WDFY4: variants seen among roughly 807,000 people sequenced by gnomAD.
WDFY4 encodes WD repeat- and FYVE domain-containing protein 4.
WDFY4 carries 169 observed loss-of-function variants against 351.9 expected under a neutral mutation model. The observed-to-expected ratio is 0.48, with a 90% CI of 0.42 to 0.55. The LOEUF (loss-of-function observed/expected upper bound fraction) is 0.55, where lower values mean the gene tolerates loss of function less well. Among genes scored for constraint, WDFY4 ranks in the 20% least tolerant of loss-of-function variants. The pLI, the probability that WDFY4 is intolerant of heterozygous loss-of-function variation, is 0.00. For synonymous variants in WDFY4, 1,622 were observed against 1,574.6 expected (o/e 1.03, Z -0.71); for missense variants, 3,803 against 3,935.6 (o/e 0.97, Z 0.90).
intron 47 of WDFY4, chr10:48,910,943 C>A (rs1837941768): frequency 3.1e-6 from 3 of 982,128 alleles, no homozygotes; most frequent in African/African-American, 1.8e-5. Flanking sequence ...CTTTTGAATA[C>A]CTAAGGAGGG....
rs1283339968 is a variant in WDFY4 at position 48,807,812 on chromosome 10, T to C, written c.4739-47T>C. 4 of 1,533,822 alleles carry C rather than the reference T, an allele frequency of 2.6e-6. No homozygotes were observed. The South Asian group carries it at 4.8e-5, about 18-fold the overall frequency. On this transcript the variant is annotated intron_variant, in intron 27 of 61. Coordinates refer to ENST00000325239, the MANE Select transcript of WDFY4 (RefSeq NM_001394531.1). ...TGATTGCTTACTGCAGCAAATATTA[T>C]GTCTCTTTACATCCATTTTCTCTCA...
At chr10:48,909,988 AT>A in intron 47 of WDFY4, 2 of 526,152 alleles carry the variant, frequency 3.8e-6, no homozygotes, top group Non-Finnish European at 6.8e-6. Context: ...ATTTTCTTAA[AT>A]TTTTTTCTAT....
intron 39 of WDFY4, among the ~76,000 whole-genome samples, chr10:48,838,551 A>T (rs1330332468): frequency 6.6e-6 from 1 of 151,898 alleles, no homozygotes; most frequent in Non-Finnish European, 1.5e-5. Flanking sequence ...TGAGCACTTC[A>T]CCCATTATCT....
intron 47 of WDFY4, among the ~76,000 whole-genome samples, chr10:48,935,753 T>C (rs1462052133): frequency 6.6e-6 from 1 of 152,256 alleles, no homozygotes; most frequent in Non-Finnish European, 1.5e-5. Context: ...TCTTACTTGA[T>C]TGTATGTCAT....
intron 13 of WDFY4, among the ~76,000 whole-genome samples, chr10:48,771,523 A>C (rs2092191997): frequency 1.3e-5 from 2 of 152,240 alleles, no homozygotes; most frequent in African/African-American, 4.8e-5. Flanking sequence ...GGCCTGCTGC[A>C]GCCTAAATAC....
At chr10:48,694,560 G>T (rs1449193020) in intron 1 of WDFY4, among the ~76,000 whole-genome samples, 3 of 152,030 alleles carry the variant, frequency 2.0e-5, no homozygotes, top group African/African-American at 4.8e-5. Context: ...CCAGTGACAG[G>T]CAGCTGCCAG....
At chr10:48,970,066 ACT>A (rs1232374002) in intron 56 of WDFY4, 63 bp from the exon 57 acceptor site, 50 of 1,515,966 alleles carry the variant, frequency 3.3e-5, no homozygotes, top group Non-Finnish European at 4.2e-5. Context: ...TACCCCCGTG[ACT>A]CTATCCTGGG....
At chr10:48,852,587 C>T (rs2068993431) in intron 39 of WDFY4, among the ~76,000 whole-genome samples, 1 of 152,186 alleles carries the variant, frequency 6.6e-6, no homozygotes, top group African/African-American at 2.4e-5. Flanking sequence ...AGATGCTGCT[C>T]AGCTCTCAGG....
intron 12 of WDFY4, among the ~76,000 whole-genome samples, chr10:48,747,368 AT>A (rs1249332908): frequency 6.6e-6 from 1 of 152,102 alleles, no homozygotes; most frequent in Non-Finnish European, 1.5e-5. Flanking sequence ...CTTCATATTC[AT>A]TGGGATTCCT....
chr10:48,832,478 C>T, intron 38 of WDFY4, 95 bp from the exon 39 acceptor site: 3 of 1,370,364 alleles, frequency 2.2e-6, no homozygotes, highest in Non-Finnish European at 2.9e-6. Flanking sequence ...ACAGGGGGCT[C>T]ATGCCCCTGG....
intron 25 of WDFY4, among the ~76,000 whole-genome samples, chr10:48,803,598 G>A (rs1418781790): frequency 2.6e-5 from 4 of 152,156 alleles, no homozygotes. Context: ...GCACATACTG[G>A]GGGCTCAGCA....
chr10:48,910,032 A>C, intron 47 of WDFY4: 1 of 560,228 alleles, frequency 1.8e-6, no homozygotes, highest in Admixed American at 3.0e-5. Flanking sequence ...AATATTTCCC[A>C]AAGTCATTTT....
chr10:48,975,102 C>T (rs1326124759), intron 58 of WDFY4, 61 bp downstream of exon 58: 8 of 1,548,486 alleles, frequency 5.2e-6, no homozygotes, highest in Non-Finnish European at 7.0e-6. Flanking sequence ...GGGTACAACA[C>T]TCAGGAGAAA....
intron 47 of WDFY4, among the ~76,000 whole-genome samples, chr10:48,921,348 G>T (rs1415418690): frequency 6.6e-6 from 1 of 151,974 alleles, no homozygotes; most frequent in Non-Finnish European, 1.5e-5. Context: ...TTTGAAAAAA[G>T]GTCAAAGGAT....
At chr10:48,930,112 G>C (rs1839901511) in intron 47 of WDFY4, among the ~76,000 whole-genome samples, 1 of 152,066 alleles carries the variant, frequency 6.6e-6, no homozygotes, top group Admixed American at 6.6e-5. Flanking sequence ...GTCAATACTA[G>C]TTTAATAGAT....
intron 31 of WDFY4, among the ~76,000 whole-genome samples, chr10:48,816,531 A>C (rs2067626034): frequency 1.3e-5 from 2 of 152,146 alleles, no homozygotes; most frequent in Non-Finnish European, 2.9e-5. Context: ...ATCTTCAAGA[A>C]ATTTATTCAT....
At chr10:48,888,396 C>A (rs2070555536) in intron 43 of WDFY4, among the ~76,000 whole-genome samples, 1 of 151,390 alleles carries the variant, frequency 6.6e-6, no homozygotes, top group Admixed American at 6.6e-5. Context: ...CCTGTCAATT[C>A]TCCATCTTCT....
intron 36 of WDFY4, among the ~76,000 whole-genome samples, chr10:48,827,905 T>C (rs1487889484): frequency 9.9e-5 from 15 of 151,100 alleles, no homozygotes; most frequent in Non-Finnish European, 1.5e-5. Context: ...TTTTTTTTTC[T>C]TCCTGTTTCA....
intron 47 of WDFY4, among the ~76,000 whole-genome samples, chr10:48,920,087 C>A (rs11819328): frequency 0.029 from 4,444 of 151,378 alleles, 215 homozygotes; most frequent in African/African-American, 0.1. Context: ...ACTTGGGAAT[C>A]AGTTAATGTA....
Sources: gnomAD v4.1 joint callset for allele counts (sites outside exome capture counted in the v4.1 genomes callset) on GRCh38, gnomAD v4.1.1 for gene constraint, MANE v1.5 for transcripts, NCBI Gene and HGNC (gene_info 2026-07-23, HGNC 2026-07-21) for gene names.